The following ADGRL3 variants were observed in gnomAD, a reference collection of about 807,000 sequenced individuals.
The protein encoded by ADGRL3 is calcium-independent alpha-latrotoxin receptor 3.
In ADGRL3, 62 loss-of-function variants were observed where a neutral mutation model predicts 153.5. The ratio of observed to expected loss-of-function variants is 0.40; its 90% CI spans 0.33 to 0.50. ADGRL3 has a LOEUF of 0.50. ADGRL3 is among the 20% of genes least tolerant of loss of function. The probability of loss-of-function intolerance (pLI) is 0.47; values close to 1 mark genes in which losing one functional copy is unlikely to be tolerated. For synonymous variants in ADGRL3, 710 were observed against 672.5 expected (o/e 1.06, Z -0.86); for missense variants, 1,641 against 1,859.4 (o/e 0.88, Z 2.16).
intron 8 of ADGRL3, among the ~76,000 whole-genome samples, chr4:61,760,275 G>C (rs1374128125): frequency 1.3e-5 from 2 of 152,158 alleles, no homozygotes; most frequent in Non-Finnish European, 2.9e-5. Context: ...ACAGAGGTAG[G>C]CAGGCCTTCT....
chr4:61,668,445 T>G (rs2094877670), intron 5 of ADGRL3, among the ~76,000 whole-genome samples: 1 of 152,216 alleles, frequency 6.6e-6, no homozygotes, highest in Non-Finnish European at 1.5e-5. Flanking sequence ...GGTAGTTTGA[T>G]ATAGAAGCAA....
chr4:61,619,271 G>A (rs192121627), intron 5 of ADGRL3, among the ~76,000 whole-genome samples: 23 of 152,212 alleles, frequency 1.5e-4, no homozygotes, highest in Admixed American at 1.5e-3. Flanking sequence ...GCCTCCTCAT[G>A]GATGTCCTTG....
At chr4:61,756,506 A>C (rs531511237) in intron 8 of ADGRL3, among the ~76,000 whole-genome samples, 3 of 152,228 alleles carry the variant, frequency 2.0e-5, no homozygotes, top group Non-Finnish European at 2.9e-5. Context: ...CTATCAACTT[A>C]AGGAGATTTT....
intron 5 of ADGRL3, among the ~76,000 whole-genome samples, chr4:61,661,262 T>G (rs1580149712): frequency 6.6e-6 from 1 of 152,122 alleles, no homozygotes; most frequent in Non-Finnish European, 1.5e-5. Context: ...ACATATTGCA[T>G]TTTTTTAATA....
intron 2 of ADGRL3, among the ~76,000 whole-genome samples, chr4:61,456,547 A>G (rs994684322): frequency 4.1e-5 from 6 of 148,096 alleles, no homozygotes; most frequent in African/African-American, 1.2e-4. Context: ...GTGCTCAGTG[A>G]CTTACTTATT....
chr4:61,854,949 C>T (rs1286216332), intron 9 of ADGRL3, among the ~76,000 whole-genome samples: 2 of 152,014 alleles, frequency 1.3e-5, no homozygotes, highest in African/African-American at 4.8e-5. Context: ...GACTTTCTGC[C>T]AAATAGCTGA....
chr4:62,042,602 T>A (rs1728976652), intron 24 of ADGRL3, among the ~76,000 whole-genome samples: 1 of 151,668 alleles, frequency 6.6e-6, no homozygotes, highest in African/African-American at 2.4e-5. Flanking sequence ...GATGAGATAA[T>A]GGGGACAGCT....
At position 61,752,615 on chromosome 4, in the gene ADGRL3, G is replaced by A. The variant is rs146313318; in HGVS notation, c.1399+19061G>A. On this transcript the variant is annotated intron_variant, in intron 8 of 26. Coordinates refer to ENST00000683033, the MANE Select transcript of ADGRL3 (RefSeq NM_001387552.1). The stretch of plus-strand genomic sequence containing the variant: ...CTGTCAGAGGTATTTTCCTGCACTA[G>A]TGGTTTCTCTTGAGGTTATAATATT... 3.0e-3 allele frequency among the ~76,000 whole-genome samples: 463 copies of A among 152,214 alleles called. 4 individuals carry two copies. The highest frequency in any genetic ancestry group is 0.029 in the Admixed American group (440 of 15,278).
chr4:61,466,029 G>A (rs2097879087), intron 2 of ADGRL3, among the ~76,000 whole-genome samples: 1 of 151,766 alleles, frequency 6.6e-6, no homozygotes, highest in South Asian at 2.1e-4. Context: ...GGCTGAGACA[G>A]GAGAATCACT....
At chr4:61,329,738 A>G (rs1017320297) in intron 1 of ADGRL3, among the ~76,000 whole-genome samples, 1 of 152,178 alleles carries the variant, frequency 6.6e-6, no homozygotes, top group African/African-American at 2.4e-5. Flanking sequence ...TTATGATTGC[A>G]TAGGATGTAG....
chr4:61,625,993 C>A (rs1054846199), intron 5 of ADGRL3, among the ~76,000 whole-genome samples: 4 of 151,944 alleles, frequency 2.6e-5, no homozygotes, highest in African/African-American at 9.7e-5. Context: ...TCAGTTTTTG[C>A]AGAGTAAATT....
intron 1 of ADGRL3, among the ~76,000 whole-genome samples, chr4:61,270,557 T>G (rs1578059954): frequency 6.6e-6 from 1 of 151,862 alleles, no homozygotes; most frequent in Non-Finnish European, 1.5e-5. Context: ...GTGGCAATTA[T>G]AGTAGTTTAG....
intron 9 of ADGRL3, among the ~76,000 whole-genome samples, chr4:61,845,867 G>C (rs963412437): frequency 1.3e-5 from 2 of 152,068 alleles, no homozygotes; most frequent in African/African-American, 4.8e-5. Flanking sequence ...TATATCATTT[G>C]ATGTAAACCA....
At chr4:61,444,752 C>T (rs1013220603) in intron 2 of ADGRL3, among the ~76,000 whole-genome samples, 9 of 152,066 alleles carry the variant, frequency 5.9e-5, no homozygotes, top group African/African-American at 2.2e-4. Flanking sequence ...CAATTTCACA[C>T]ATTAAGAATG....
chr4:61,265,709 C>T (rs2092809361), intron 1 of ADGRL3, among the ~76,000 whole-genome samples: 1 of 151,802 alleles, frequency 6.6e-6, no homozygotes, highest in Non-Finnish European at 1.5e-5. Flanking sequence ...TCAAACTGGC[C>T]TTTGAATTAA....
At chr4:61,324,251 A>G (rs559091085) in intron 1 of ADGRL3, among the ~76,000 whole-genome samples, 1 of 152,148 alleles carries the variant, frequency 6.6e-6, no homozygotes, top group Non-Finnish European at 1.5e-5. Flanking sequence ...TTTCTGTTTT[A>G]TCTTGCAGTC....
At chr4:61,487,172 A>T (rs2098204903) in intron 2 of ADGRL3, among the ~76,000 whole-genome samples, 2 of 152,194 alleles carry the variant, frequency 1.3e-5, no homozygotes, top group African/African-American at 4.8e-5. Flanking sequence ...AGTATAGGTG[A>T]CGAGAAGCAG....
intron 5 of ADGRL3, among the ~76,000 whole-genome samples, chr4:61,656,522 C>G (rs2094447135): frequency 6.6e-6 from 1 of 151,992 alleles, no homozygotes; most frequent in South Asian, 2.1e-4. Context: ...TAAAAAATGA[C>G]TATATAAGGG....
intron 17 of ADGRL3, among the ~76,000 whole-genome samples, chr4:61,976,004 A>T: frequency 6.6e-6 from 1 of 152,168 alleles, no homozygotes; most frequent in East Asian, 1.9e-4. Flanking sequence ...AGCTGTACTG[A>T]CATGAGAGGG....
Sources: allele counts gnomAD v4.1 joint callset (sites outside exome capture counted in the v4.1 genomes callset), GRCh38; gene constraint gnomAD v4.1.1; transcripts MANE v1.5; gene names NCBI Gene and HGNC (gene_info 2026-07-23, HGNC 2026-07-21).